MTMR9: variants seen among roughly 807,000 people sequenced by gnomAD.
MTMR9 encodes myotubularin related protein 9.
Under a neutral mutation model 69.5 loss-of-function variants are expected in MTMR9, and 39 were observed. The observed-to-expected ratio is 0.56, with a 90% confidence interval of 0.43 to 0.73. The LOEUF is 0.73. MTMR9 is among the 30% of genes least tolerant of loss of function. MTMR9 has a pLI of 0.00. For synonymous variants in MTMR9, 354 were observed against 240.8 expected, an observed-to-expected ratio of 1.47 and a Z score of -4.35; for missense variants, 900 against 671.2, an observed-to-expected ratio of 1.34 and a Z score of -3.77.
intron 7 of MTMR9, chr8:11,316,341 A>T (rs1168519137): frequency 5.8e-6 from 1 of 172,904 alleles, no homozygotes; most frequent in East Asian, 1.7e-4. Flanking sequence ...ACTTTGCTCC[A>T]GGTTTTGTAG....
chr8:11,287,813 A>AT lies in MTMR9; in HGVS notation c.182+2744dup, dbSNP rs1491128450. 1.2e-4 allele frequency among the ~76,000 whole-genome samples: 14 copies of AT among 118,084 alleles called. No homozygotes were observed. In the East Asian group the frequency reaches 1.3e-3, roughly 11 times the overall value. 77.5% of individuals were successfully genotyped at this position (118,084 alleles called of 152,430 possible). On this transcript the variant is annotated intron_variant, in intron 1 of 9. Coordinates refer to ENST00000221086, the MANE Select transcript of MTMR9 (RefSeq NM_015458.4). ...ATATATAATACATATTATATAATAC[A>AT]TATAATATATAATATATAACATTAT...
intron 1 of MTMR9, among the ~76,000 whole-genome samples, chr8:11,290,939 A>G (rs1232530057): frequency 5.5e-5 from 8 of 144,986 alleles, no homozygotes; most frequent in South Asian, 2.2e-4. Flanking sequence ...AAAACTTGCT[A>G]TGTTCATGGG....
At chr8:11,285,382 A>G (rs560777139) in intron 1 of MTMR9, 2 of 256,608 alleles carry the variant, frequency 7.8e-6, no homozygotes, top group Non-Finnish European at 7.4e-6. Context: ...TTCTTGCCCC[A>G]TCGTATTCCT....
intron 5 of MTMR9, among the ~76,000 whole-genome samples, chr8:11,307,864 C>A (rs1441208522): frequency 6.6e-6 from 1 of 151,658 alleles, no homozygotes; most frequent in Admixed American, 6.6e-5. Flanking sequence ...TGAGAAATGT[C>A]TGTTCAGGTC....
downstream of MTMR9, chr8:11,330,994 C>T: frequency 6.7e-7 from 1 of 1,482,162 alleles, no homozygotes; most frequent in South Asian, 1.4e-5. Flanking sequence ...GCTACCACCT[C>T]AGGAGAGTTC....
downstream of MTMR9, among the ~76,000 whole-genome samples, chr8:11,330,634 C>G (rs1242822265): frequency 1.3e-5 from 2 of 152,178 alleles, no homozygotes; most frequent in African/African-American, 4.8e-5. Flanking sequence ...CCTGTGCTCT[C>G]TGGGGCATGT....
At chr8:11,292,413 A>ACT (rs1410602858) in intron 1 of MTMR9, among the ~76,000 whole-genome samples, 9 of 152,162 alleles carry the variant, frequency 5.9e-5, no homozygotes, top group Admixed American at 5.9e-4. Context: ...AGCTGCCCCA[A>ACT]CTGTTTTCCA....
downstream of MTMR9, chr8:11,330,754 C>G: frequency 2.5e-6 from 1 of 399,800 alleles, no homozygotes; most frequent in South Asian, 3.1e-5. Context: ...TCCCTAATCT[C>G]AAGTACCCAG....
chr8:11,328,081 C>T lies in MTMR9; in HGVS notation c.*5293C>T, dbSNP rs749979691. 6.6e-6 allele frequency: 1 copy of T among 152,032 alleles called. No individual in the cohort carries two copies. Among genetic ancestry groups the T allele is most frequent in the African/African-American group, 2.4e-5 (1 of 41,386 alleles). 9.4% of individuals were successfully genotyped at this position (152,032 alleles called of 1,614,324 possible). A position where few individuals can be genotyped will look rare whatever the true frequency, so the allele number is the denominator to read the frequency against. On this transcript the variant is annotated 3_prime_UTR_variant, in exon 10 of 10. Transcript: ENST00000221086. ...CCTCAGAGGACAGTTGCACAGATGG[C>T]TAGTGTTAAATTTCTATAGACGATG...
At chr8:11,302,659 C>G (rs1799791982) in intron 3 of MTMR9, among the ~76,000 whole-genome samples, 1 of 152,060 alleles carries the variant, frequency 6.6e-6, no homozygotes, top group Admixed American at 6.5e-5. Flanking sequence ...TCTCTAAGTT[C>G]AAGAATGAGG....
At chr8:11,303,947 C>T (rs923843102) in intron 3 of MTMR9, among the ~76,000 whole-genome samples, 6 of 152,184 alleles carry the variant, frequency 3.9e-5, no homozygotes, top group African/African-American at 1.4e-4. Context: ...ATAATCTTGT[C>T]TGTTAGTACG....
chr8:11,334,129 G>A, the MTMR9 span, among the ~76,000 whole-genome samples: 1 of 152,180 alleles, frequency 6.6e-6, no homozygotes, highest in Non-Finnish European at 1.5e-5. Context: ...GGACTTCCCA[G>A]CTTCCAGAGC....
chr8:11,316,476 A>T (rs1346946490), intron 7 of MTMR9, 197 bp from the exon 8 acceptor site: 1 of 429,174 alleles, frequency 2.3e-6, no homozygotes, highest in East Asian at 3.6e-5. Context: ...AAGGATTTGG[A>T]AGTGTGTCTT....
chr8:11,297,784 A>G (rs971002163), intron 2 of MTMR9: 2 of 447,240 alleles, frequency 4.5e-6, no homozygotes, highest in Non-Finnish European at 4.5e-6. Flanking sequence ...TTAGGACTGA[A>G]AAGAAGCCGT....
downstream of MTMR9, among the ~76,000 whole-genome samples, chr8:11,330,430 C>T (rs1801167324): frequency 6.6e-6 from 1 of 152,178 alleles, no homozygotes; most frequent in South Asian, 2.1e-4. Flanking sequence ...CCCAACAGCT[C>T]ATTGAGAACG....
chr8:11,323,409 A>G lies in MTMR9; in HGVS notation c.*621A>G, dbSNP rs946234566. 3 of 152,252 alleles carry G rather than the reference A, an allele frequency of 2.0e-5. No individual in the cohort carries two copies. The highest frequency in any genetic ancestry group is 4.8e-5 in the African/African-American group (2 of 41,472). The allele number at this position is 152,252 out of a possible 1,614,324, so 9.4% of individuals were successfully genotyped here. A position where few individuals can be genotyped will look rare whatever the true frequency, so the allele number is the denominator to read the frequency against. ...AAGGTAAATTATTTCTACAAGGGCA[A>G]CAGGTATGGTCCTCCGATATTTACA... On this transcript the variant is annotated 3_prime_UTR_variant, in exon 10 of 10. Coordinates refer to ENST00000221086, the MANE Select transcript of MTMR9 (RefSeq NM_015458.4).
chr8:11,332,688 G>A (rs1213268087), downstream of MTMR9, among the ~76,000 whole-genome samples: 2 of 151,786 alleles, frequency 1.3e-5, no homozygotes, highest in Non-Finnish European at 2.9e-5. Context: ...TGTAACATCC[G>A]CCTTCTGGGT....
intron 1 of MTMR9, among the ~76,000 whole-genome samples, chr8:11,292,182 C>G (rs775097637): frequency 5.3e-5 from 8 of 152,076 alleles, no homozygotes; most frequent in Admixed American, 4.6e-4. Flanking sequence ...CTTTTTATTG[C>G]TGAGTACTAA....
At chr8:11,336,593 G>A in the MTMR9 span, among the ~76,000 whole-genome samples, 1 of 152,190 alleles carries the variant, frequency 6.6e-6, no homozygotes, top group African/African-American at 2.4e-5. Flanking sequence ...TCCATGAATT[G>A]ATGTAGATAA....
Sources: gnomAD v4.1 joint callset for allele counts (sites outside exome capture counted in the v4.1 genomes callset) on GRCh38, gnomAD v4.1.1 for gene constraint, MANE v1.5 for transcripts, NCBI Gene and HGNC (gene_info 2026-07-23, HGNC 2026-07-21) for gene names.